Variants in FLT1 observed in about 807,000 individuals in gnomAD.
The protein encoded by FLT1 is vascular endothelial growth factor receptor 1.
In FLT1, 49 loss-of-function variants were observed where a neutral mutation model predicts 156.3. The observed-to-expected ratio is 0.31, with a 90% confidence interval of 0.25 to 0.40. FLT1 has a LOEUF of 0.40. FLT1 is among the 10% of genes least tolerant of loss of function. The pLI is 1.00. For synonymous variants in FLT1, 594 were observed against 583.8 expected, an observed-to-expected ratio of 1.02 and a Z score of -0.25; for missense variants, 1,322 against 1,637.2, an observed-to-expected ratio of 0.81 and a Z score of 3.32.
chr13:28,391,480 G>GC lies in FLT1; in HGVS notation c.1661-1377dup, dbSNP rs1874711218. 2.6e-5 allele frequency among the ~76,000 whole-genome samples: 4 copies of GC among 152,320 alleles called. No individual in the cohort carries two copies. In the South Asian group the frequency reaches 8.3e-4, roughly 32 times the overall value. The stretch of plus-strand genomic sequence containing the variant: ...TCTCTCACCTATCTATGACCTGGAA[G>GC]CCCCCTCCCCACTTCGAGTTGTCCT... On this transcript the variant is annotated intron_variant, in intron 12 of 29. Coordinates refer to ENST00000282397, the MANE Select transcript of FLT1 (RefSeq NM_002019.4).
intron 14 of FLT1, among the ~76,000 whole-genome samples, chr13:28,384,448 C>CAAAAAAAAA (rs79860949): frequency 1.5e-4 from 9 of 60,212 alleles, no homozygotes; most frequent in East Asian, 5.4e-4. Flanking sequence ...GACTCCATCT[C>CAAAAAAAAA]AAAAAAAAAA....
chr13:28,416,012 C>G (rs917555294), intron 10 of FLT1, among the ~76,000 whole-genome samples: 56 of 152,320 alleles, frequency 3.7e-4, no homozygotes, highest in African/African-American at 1.3e-3. Flanking sequence ...CCAGAGCTGC[C>G]TAAAAGTACT....
At chr13:28,412,350 C>CTTTCTTTCTTTTCTTTCTTTTT (rs71086853) in intron 10 of FLT1, among the ~76,000 whole-genome samples, 1 of 93,706 alleles carries the variant, frequency 1.1e-5, no homozygotes, top group Non-Finnish European at 2.3e-5. Context: ...TTCTTTCTTT[C>CTTTCTTTCTTTTCTTTCTTTTT]TCTTTCTTTC....
chr13:28,399,847 T>G (rs1409853311), intron 11 of FLT1, among the ~76,000 whole-genome samples: 1 of 152,244 alleles, frequency 6.6e-6, no homozygotes, highest in East Asian at 1.9e-4. Context: ...ATTATTTCTT[T>G]GTTTCTGCGA....
At chr13:28,311,507 G>C in intron 27 of FLT1, 83 bp downstream of exon 27, 3 of 1,147,824 alleles carry the variant, frequency 2.6e-6, no homozygotes, top group Non-Finnish European at 3.7e-6. Context: ...TCTCTCTTTC[G>C]TCTTTCTTTC....
At chr13:28,491,714 G>A (rs1479008925) in intron 1 of FLT1, among the ~76,000 whole-genome samples, 1 of 152,184 alleles carries the variant, frequency 6.6e-6, no homozygotes, top group Non-Finnish European at 1.5e-5. Context: ...ATATAAATAA[G>A]GTGGGGAAGA....
At chr13:28,383,641 G>A (rs144295128) in intron 14 of FLT1, among the ~76,000 whole-genome samples, 10,593 of 149,876 alleles carry the variant, frequency 0.071, 421 homozygotes, top group South Asian at 0.12. Context: ...CAGCCTGGGC[G>A]ACAGAGCGAG....
chr13:28,320,453 G>C (rs896424809), intron 23 of FLT1, among the ~76,000 whole-genome samples: 1 of 152,130 alleles, frequency 6.6e-6, no homozygotes, highest in Admixed American at 6.5e-5. Context: ...CCAATTCCTG[G>C]CCCGCGGGCC....
chr13:28,365,224 A>G (rs941090012), intron 14 of FLT1, among the ~76,000 whole-genome samples: 3 of 151,962 alleles, frequency 2.0e-5, no homozygotes, highest in Admixed American at 6.6e-5. Flanking sequence ...GCTTTTCTTT[A>G]GTTATATTTA....
intron 13 of FLT1, chr13:28,389,237 A>G (rs1044066388): frequency 7.1e-6 from 8 of 1,125,236 alleles, no homozygotes; most frequent in Middle Eastern, 3.7e-4. Flanking sequence ...AATAGTCCCA[A>G]ATAAAACCAG....
intron 15 of FLT1, among the ~76,000 whole-genome samples, chr13:28,348,483 C>T (rs1444851271): frequency 6.6e-6 from 1 of 152,192 alleles, no homozygotes; most frequent in Non-Finnish European, 1.5e-5. Context: ...TTGGCTTTTG[C>T]TATTTCTCTG....
chr13:28,395,143 AG>A (rs1462882963), intron 12 of FLT1, among the ~76,000 whole-genome samples: 1 of 152,218 alleles, frequency 6.6e-6, no homozygotes, highest in Non-Finnish European at 1.5e-5. Flanking sequence ...CTGACCTCTC[AG>A]GTCATCATGA....
At chr13:28,481,497 A>G (rs1046075151) in intron 1 of FLT1, among the ~76,000 whole-genome samples, 1 of 151,876 alleles carries the variant, frequency 6.6e-6, no homozygotes, top group African/African-American at 2.4e-5. Flanking sequence ...ACGTACTTAG[A>G]AGGTGAACCA....
intron 3 of FLT1, among the ~76,000 whole-genome samples, chr13:28,459,168 C>T (rs900084606): frequency 6.6e-6 from 1 of 152,204 alleles, no homozygotes; most frequent in African/African-American, 2.4e-5. Context: ...TTAGGAATCT[C>T]ACCTGGGTTT....
chr13:28,386,848 A>C, intron 13 of FLT1: 1 of 1,050,322 alleles, frequency 9.5e-7, no homozygotes, highest in Non-Finnish European at 1.1e-6. Flanking sequence ...CTCATTTAAA[A>C]CTCAGACCCA....
At chr13:28,400,408 T>G (rs1054835555) in intron 11 of FLT1, among the ~76,000 whole-genome samples, 1 of 152,360 alleles carries the variant, frequency 6.6e-6, no homozygotes, top group African/African-American at 2.4e-5. Flanking sequence ...ATCAGTTTTA[T>G]TAAAATTTAT....
intron 1 of FLT1, among the ~76,000 whole-genome samples, chr13:28,476,162 C>T (rs1169229925): frequency 6.6e-6 from 1 of 152,142 alleles, no homozygotes; most frequent in Admixed American, 6.6e-5. Flanking sequence ...GACACGCATG[C>T]ATACACTTTT....
At chr13:28,472,441 TCAAGA>T (rs1880229905) in intron 1 of FLT1, among the ~76,000 whole-genome samples, 1 of 152,204 alleles carries the variant, frequency 6.6e-6, no homozygotes, top group Non-Finnish European at 1.5e-5. Flanking sequence ...CTTGTAAAAC[TCAAGA>T]CTCTCAATGT....
intron 14 of FLT1, chr13:28,368,622 GTGA>G (rs939225777): frequency 9.5e-6 from 13 of 1,366,854 alleles, no homozygotes; most frequent in African/African-American, 1.4e-5. Context: ...GATGACAATG[GTGA>G]TGATGACGAT....
Sources: allele counts gnomAD v4.1 joint callset (sites outside exome capture counted in the v4.1 genomes callset), GRCh38; gene constraint gnomAD v4.1.1; transcripts MANE v1.5; gene names NCBI Gene and HGNC (gene_info 2026-07-23, HGNC 2026-07-21).